TRPM6: variants seen among roughly 807,000 people sequenced by gnomAD.
The protein encoded by TRPM6 is transient receptor potential cation channel subfamily M member 6.
Under a neutral mutation model 247.6 loss-of-function variants are expected in TRPM6, and 111 were observed. That is an observed-to-expected ratio of 0.45 (90% CI 0.38 to 0.52). TRPM6 has a LOEUF of 0.52. TRPM6 is among the 20% of genes least tolerant of loss of function. TRPM6 has a pLI of 0.00. For missense variants in TRPM6, 2,126 were observed against 2,421.5 expected (o/e 0.88, Z 2.56); for synonymous variants, 892 against 853.8 (o/e 1.04, Z -0.78).
chr9:74,797,908 C>T (rs981306695), intron 17 of TRPM6, among the ~76,000 whole-genome samples: 8 of 152,074 alleles, frequency 5.3e-5, no homozygotes, highest in Non-Finnish European at 8.8e-5. Flanking sequence ...AAAAGTATAC[C>T]GTCACCTTCT....
intron 4 of TRPM6, 134 bp from the exon 5 acceptor site, chr9:74,840,371 C>G: frequency 1.5e-6 from 1 of 677,018 alleles, no homozygotes; most frequent in South Asian, 1.6e-5. Flanking sequence ...CTTTAAAGTT[C>G]ATCTTCATGT....
At chr9:74,840,631 A>G (rs1829904443) in intron 4 of TRPM6, among the ~76,000 whole-genome samples, 1 of 152,192 alleles carries the variant, frequency 6.6e-6, no homozygotes, top group Non-Finnish European at 1.5e-5. Flanking sequence ...CCTGGCCAAC[A>G]TGGTGAAACC....
intron 1 of TRPM6, among the ~76,000 whole-genome samples, chr9:74,877,244 C>T (rs79268109): frequency 0.021 from 3,232 of 152,260 alleles, 133 homozygotes; most frequent in African/African-American, 0.075. Context: ...AATGAAAACA[C>T]ATGTCTATAC....
intron 32 of TRPM6, among the ~76,000 whole-genome samples, chr9:74,743,596 G>A (rs1373151971): frequency 1.3e-5 from 2 of 152,210 alleles, no homozygotes; most frequent in Non-Finnish European, 2.9e-5. Context: ...CTGAAGCACT[G>A]TGAAGTGATG....
Position 74,800,255 on chromosome 9 carries a change from T to A in TRPM6, c.2237A>T (p.Lys746Met). The A allele has an allele frequency of 1.2e-6, 2 of 1,613,810 alleles. No homozygotes were observed. Among genetic ancestry groups the A allele is most frequent in the Non-Finnish European group, 1.7e-6 (2 of 1,179,674 alleles). Reference sequence around the variant, plus strand: ...ATAAGACAAGTAAAGTAAATTTACCTTTAACCAAGAGTTTTTCCTCATTTT... The same window carrying A: ...ATAAGACAAGTAAAGTAAATTTACCATTAACCAAGAGTTTTTCCTCATTTT... ...RLKMRKNSWL[K>M]IIISIILPPT... is the part of the protein sequence containing the mutation. The change falls in exon 17 of 39, where the codon AAG (lysine) becomes ATG (methionine). Residue 746 changes from lysine to methionine, a missense_variant and splice_region_variant. Coordinates refer to ENST00000360774, the MANE Select transcript of TRPM6 (RefSeq NM_017662.5).
chr9:74,884,387 G>A (rs893667571), intron 1 of TRPM6, among the ~76,000 whole-genome samples: 1 of 152,048 alleles, frequency 6.6e-6, no homozygotes, highest in African/African-American at 2.4e-5. Context: ...TACTCGGGAG[G>A]CTGAGGCAGG....
intron 5 of TRPM6, among the ~76,000 whole-genome samples, chr9:74,834,419 T>G (rs1829648916): frequency 1.3e-5 from 2 of 152,068 alleles, no homozygotes; most frequent in Non-Finnish European, 2.9e-5. Flanking sequence ...CTGTGCACTG[T>G]CCTTCCTCAG....
chr9:74,871,374 A>T (rs188028407), intron 1 of TRPM6, among the ~76,000 whole-genome samples: 1 of 152,248 alleles, frequency 6.6e-6, no homozygotes, highest in East Asian at 1.9e-4. Context: ...TCCCCCAAAA[A>T]ATTCTTACAT....
At chr9:74,742,152 CAAAAT>C (rs1187391180) in intron 33 of TRPM6, among the ~76,000 whole-genome samples, 5 of 152,128 alleles carry the variant, frequency 3.3e-5, no homozygotes, top group African/African-American at 7.2e-5. Context: ...GTACACAAAA[CAAAAT>C]AAACAAAAAA....
chr9:74,747,994 G>A (rs1826109476), intron 30 of TRPM6, 80 bp from the exon 31 acceptor site: 22 of 1,243,444 alleles, frequency 1.8e-5, no homozygotes, highest in Non-Finnish European at 2.5e-5. Flanking sequence ...ACAGCACATG[G>A]AACAGTAACA....
intron 4 of TRPM6, 85 bp downstream of exon 4, chr9:74,842,081 A>G: frequency 6.7e-7 from 1 of 1,501,964 alleles, no homozygotes; most frequent in South Asian, 1.1e-5. Flanking sequence ...ATTGCACTCC[A>G]GCCTGGGCAA....
intron 3 of TRPM6, among the ~76,000 whole-genome samples, chr9:74,849,559 G>T (rs79995889): frequency 0.018 from 2,793 of 152,112 alleles, 75 homozygotes; most frequent in African/African-American, 0.062. Context: ...CTTGGTCTTG[G>T]ATTTCTGACC....
chr9:74,883,649 G>A lies in TRPM6; in HGVS notation c.33+4175C>T, dbSNP rs532903981. 2.6e-5 allele frequency among the ~76,000 whole-genome samples: 4 copies of A among 152,154 alleles called. No individual in the cohort carries two copies. The South Asian group carries it at 8.3e-4, about 32-fold the overall frequency. The stretch of plus-strand genomic sequence containing the variant: ...TGTATTGACATGGAAAAATCTACAG[G>A]AACTACTGTTAAGTGAAACAAGTTA... On this transcript the variant is annotated intron_variant, in intron 1 of 38. Transcript: ENST00000360774.
At chr9:74,756,679 T>TAAAAAAAAA (rs1826438345) in intron 27 of TRPM6, among the ~76,000 whole-genome samples, 1 of 37,346 alleles carries the variant, frequency 2.7e-5, no homozygotes, top group Non-Finnish European at 4.5e-5. Flanking sequence ...ACCCCGTCTC[T>TAAAAAAAAA]ACAAAAAAAA....
chr9:74,762,113 G>A lies in TRPM6; in HGVS notation c.4558C>T (p.Gln1520Ter), dbSNP rs1239946434. ...TTGATCCAAAAGGATGTGTTTGGCT[G>A]AAGCCATGGTCCCACCTCTGAGCAT... Reference protein sequence around the residue: ...SECSEVGPWLQPNTSFWINPL... With the variant: ...SECSEVGPWL Residue 1520 changes from glutamine (Q) to a stop codon, truncating the protein, a stop_gained, in exon 26 of 39, where the codon CAG (glutamine) becomes TAG (stop). Coordinates refer to ENST00000360774, the MANE Select transcript of TRPM6 (RefSeq NM_017662.5). LOFTEE classifies it high-confidence loss of function. 6.2e-7 allele frequency: 1 copy of A among 1,614,068 alleles called. No homozygotes were observed. The highest frequency in any genetic ancestry group is 8.5e-7 in the Non-Finnish European group (1 of 1,180,044).
chr9:74,849,711 G>A (rs1830233972), intron 3 of TRPM6, among the ~76,000 whole-genome samples: 1 of 152,210 alleles, frequency 6.6e-6, no homozygotes, highest in Non-Finnish European at 1.5e-5. Context: ...AACAAGAGCT[G>A]AAGTGCAGGC....
At position 74,762,660 on chromosome 9, in the gene TRPM6, T is replaced by C. The variant is rs564527436; in HGVS notation, c.4011A>G (p.Ala1337=). 6.8e-6 allele frequency: 11 copies of C among 1,614,210 alleles called. No individual in the cohort carries two copies. The South Asian group carries it at 7.7e-5, about 11-fold the overall frequency. ...VVSGVSPNRQ[A]HSKYGQFLLV... ...GAAGAAACTGGCCATACTTTGAGTG[T>C]GCTTGCCTGTTAGGAGACACCCCAG... The change falls in exon 26 of 39, where the codon GCA becomes GCG. Residue 1337 remains alanine (A), a synonymous_variant. Transcript: ENST00000360774.
chr9:74,887,847 G>C lies in TRPM6; in HGVS notation c.10C>G (p.Gln4Glu). The part of the protein sequence containing the change: MKE[Q>E]PVLERLQSQK... ...ACCTGCAAGCGCTCCAAGACAGGTT[G>C]TTCTTTCATCTTTGATTTGCAGGCC... Residue 4 changes from glutamine to glutamate, a missense_variant, in exon 1 of 39, where the codon CAA becomes GAA. By Grantham distance (29) the Gln-to-Glu change is conservative (BLOSUM62 2). Transcript: ENST00000360774. 1 of 1,614,110 alleles carries C rather than the reference G, an allele frequency of 6.2e-7. No homozygotes were observed. Among genetic ancestry groups the C allele is most frequent in the Non-Finnish European group, 8.5e-7 (1 of 1,180,030 alleles).
intron 25 of TRPM6, among the ~76,000 whole-genome samples, chr9:74,765,838 G>A (rs1826809636): frequency 6.6e-6 from 1 of 152,154 alleles, no homozygotes; most frequent in Non-Finnish European, 1.5e-5. Context: ...GATAAAAAGA[G>A]TGGCACCTTC....
Sources: gnomAD v4.1 joint callset for allele counts (sites outside exome capture counted in the v4.1 genomes callset) on GRCh38, gnomAD v4.1.1 for gene constraint, MANE v1.5 for transcripts, NCBI Gene and HGNC (gene_info 2026-07-23, HGNC 2026-07-21) for gene names.